GALNTL6: variants seen among roughly 807,000 people sequenced by gnomAD.
GALNTL6 encodes polypeptide N-acetylgalactosaminyltransferase-like 6.
Under a neutral mutation model 73.7 loss-of-function variants are expected in GALNTL6, and 46 were observed. That is an observed-to-expected ratio of 0.62 (90% confidence interval 0.49 to 0.80). The LOEUF is 0.80. GALNTL6 is among the 30% of genes least tolerant of loss of function. The pLI, the probability that GALNTL6 is intolerant of heterozygous loss-of-function variation, is 0.00. For synonymous variants in GALNTL6, 259 were observed against 263.7 expected (o/e 0.98, Z 0.17); for missense variants, 604 against 755.0 (o/e 0.80, Z 2.34).
intron 5 of GALNTL6, among the ~76,000 whole-genome samples, chr4:172,539,371 AGGT>A (rs1735465517): frequency 6.6e-6 from 1 of 152,218 alleles, no homozygotes; most frequent in Non-Finnish European, 1.5e-5. Context: ...CAATAAAGTA[AGGT>A]GGAGCTGAAT....
At chr4:172,419,450 TC>T (rs945314923) in intron 5 of GALNTL6, among the ~76,000 whole-genome samples, 1 of 152,218 alleles carries the variant, frequency 6.6e-6, no homozygotes, top group African/African-American at 2.4e-5. Flanking sequence ...TCGATTTCTT[TC>T]TTTCAAAGAC....
At chr4:172,679,786 A>G (rs780607331) in intron 5 of GALNTL6, among the ~76,000 whole-genome samples, 16 of 152,240 alleles carry the variant, frequency 1.1e-4, no homozygotes, top group Non-Finnish European at 1.8e-4. Context: ...GCCCAAGATT[A>G]TACAATTCTT....
chr4:172,643,027 A>T (rs1165185450), intron 5 of GALNTL6, among the ~76,000 whole-genome samples: 1 of 151,876 alleles, frequency 6.6e-6, no homozygotes, highest in African/African-American at 2.4e-5. Flanking sequence ...TTACTTAGAA[A>T]AAAAAATAGA....
intron 2 of GALNTL6, among the ~76,000 whole-genome samples, chr4:172,184,059 G>A (rs1280723963): frequency 1.3e-5 from 2 of 152,006 alleles, no homozygotes; most frequent in Admixed American, 6.6e-5. Flanking sequence ...CCAAAGTGTG[G>A]GATTACAGGC....
At position 172,998,043 on chromosome 4, in the gene GALNTL6, G is replaced by T. The variant is rs74816263; in HGVS notation, c.1372-11135G>T. Among the ~76,000 whole-genome samples, 336 of 152,258 alleles carry T rather than the reference G, an allele frequency of 2.2e-3. 1 individual carries two copies. Among genetic ancestry groups the T allele is most frequent in the Non-Finnish European group, 3.2e-3 (217 of 68,008 alleles). ...TCTTGCATAATGTAAGCCAGCTTCT[G>T]AAATGAGTAGTCCCAACAAGTCCCA... On this transcript the variant is annotated intron_variant, in intron 10 of 12. Transcript: ENST00000506823.
chr4:172,576,951 C>T (rs1453832248), intron 5 of GALNTL6, among the ~76,000 whole-genome samples: 1 of 152,128 alleles, frequency 6.6e-6, no homozygotes, highest in Non-Finnish European at 1.5e-5. Context: ...TGAGAGCGTA[C>T]CTTGAGCAAC....
intron 2 of GALNTL6, among the ~76,000 whole-genome samples, chr4:172,055,475 T>G (rs986740060): frequency 6.6e-6 from 1 of 152,136 alleles, no homozygotes; most frequent in Non-Finnish European, 1.5e-5. Context: ...ATTTGAAAAA[T>G]CCCACAATAG....
intron 2 of GALNTL6, among the ~76,000 whole-genome samples, chr4:172,211,240 G>A (rs1451714022): frequency 6.6e-6 from 1 of 152,152 alleles, no homozygotes; most frequent in Non-Finnish European, 1.5e-5. Flanking sequence ...TTAGACAATA[G>A]TATTTTGAAA....
chr4:171,908,822 T>G (rs991922185), intron 2 of GALNTL6, among the ~76,000 whole-genome samples: 18 of 151,224 alleles, frequency 1.2e-4, no homozygotes, highest in Non-Finnish European at 2.2e-4. Context: ...CCATAAAAAA[T>G]GATGAGTTCA....
At chr4:172,039,051 A>C (rs1742014896) in intron 2 of GALNTL6, among the ~76,000 whole-genome samples, 1 of 152,168 alleles carries the variant, frequency 6.6e-6, no homozygotes, top group African/African-American at 2.4e-5. Context: ...AGGATATTTC[A>C]TGATCAGGCT....
intron 7 of GALNTL6, among the ~76,000 whole-genome samples, chr4:172,820,491 G>T (rs978191183): frequency 6.6e-6 from 1 of 152,178 alleles, no homozygotes; most frequent in African/African-American, 2.4e-5. Flanking sequence ...AGTAAAGCAT[G>T]AAATTGATTT....
chr4:172,206,805 G>GTTT (rs778156050), intron 2 of GALNTL6, among the ~76,000 whole-genome samples: 1,170 of 26,088 alleles, frequency 0.045, 81 homozygotes, highest in African/African-American at 0.076. Context: ...TTGTTTTTCT[G>GTTT]TTTTTTTTGT....
intron 3 of GALNTL6, among the ~76,000 whole-genome samples, chr4:172,264,271 A>G (rs1037729027): frequency 8.6e-5 from 13 of 151,248 alleles, no homozygotes; most frequent in African/African-American, 3.1e-4. Flanking sequence ...AACTTCATGC[A>G]GTAATCTCAT....
At chr4:172,766,142 T>C (rs1011894666) in intron 5 of GALNTL6, among the ~76,000 whole-genome samples, 2 of 152,144 alleles carry the variant, frequency 1.3e-5, no homozygotes, top group African/African-American at 4.8e-5. Flanking sequence ...CTCTGTTGCC[T>C]CTCTCTTCTA....
intron 7 of GALNTL6, among the ~76,000 whole-genome samples, chr4:172,871,611 A>AGT (rs5864173): frequency 0.5 from 68,010 of 136,930 alleles, 17,178 homozygotes; most frequent in Middle Eastern, 0.63. Context: ...TGTGTGTGAG[A>AGT]GTGTGTGTGT....
chr4:172,933,754 G>A (rs1748473227), intron 9 of GALNTL6, among the ~76,000 whole-genome samples: 1 of 152,114 alleles, frequency 6.6e-6, no homozygotes, highest in Admixed American at 6.5e-5. Context: ...AATGAAGAGA[G>A]ACTTTATATA....
chr4:172,173,037 G>A (rs1229483285), intron 2 of GALNTL6, among the ~76,000 whole-genome samples: 3 of 152,174 alleles, frequency 2.0e-5, no homozygotes, highest in Admixed American at 1.3e-4. Flanking sequence ...CTTCTTTTAT[G>A]ATGGGCTGAG....
intron 5 of GALNTL6, among the ~76,000 whole-genome samples, chr4:172,755,693 C>T (rs1172215547): frequency 1.3e-5 from 2 of 152,162 alleles, no homozygotes; most frequent in Admixed American, 1.3e-4. Context: ...CATACAAAAG[C>T]ATTGTATATT....
chr4:171,917,757 A>G (rs902475907), intron 2 of GALNTL6, among the ~76,000 whole-genome samples: 1 of 152,124 alleles, frequency 6.6e-6, no homozygotes, highest in Non-Finnish European at 1.5e-5. Context: ...ACAAATTATA[A>G]TCAGAAGGCT....
Sources: allele counts gnomAD v4.1 joint callset (sites outside exome capture counted in the v4.1 genomes callset), GRCh38; gene constraint gnomAD v4.1.1; transcripts MANE v1.5; gene names NCBI Gene and HGNC (gene_info 2026-07-23, HGNC 2026-07-21).